CPAMD8: variants seen among roughly 807,000 people sequenced by gnomAD.
CPAMD8 encodes C3 and PZP-like alpha-2-macroglobulin domain-containing protein 8.
CPAMD8 carries 146 observed loss-of-function variants against 224.7 expected under a neutral mutation model. The observed-to-expected ratio is 0.65, with a 90% confidence interval of 0.57 to 0.75. CPAMD8 has a LOEUF of 0.75. CPAMD8 is among the 30% of genes least tolerant of loss of function. The pLI is 0.00. For synonymous variants in CPAMD8, 966 were observed against 1,044.6 expected, an observed-to-expected ratio of 0.92 and a Z score of 1.45; for missense variants, 2,301 against 2,537.5, an observed-to-expected ratio of 0.91 and a Z score of 2.00.
chr19:16,991,963 A>G (rs7256232), intron 12 of CPAMD8, among the ~76,000 whole-genome samples: 124,279 of 152,062 alleles, frequency 0.82, 50,989 homozygotes, highest in African/African-American at 0.85. Context: ...TGTGAATGTC[A>G]AGTGGCAAGG....
At chr19:16,920,218 G>T (rs1447819815) in intron 27 of CPAMD8, among the ~76,000 whole-genome samples, 1 of 152,188 alleles carries the variant, frequency 6.6e-6, no homozygotes, top group Non-Finnish European at 1.5e-5. Context: ...GGTGGCTCAC[G>T]CCTGTAATCC....
rs184535729 is a variant in CPAMD8, at chr19:16,969,884, A to C, written c.2213+1007T>G. Reference sequence around the variant, plus strand: ...GCCAGGCTCCATCTCAAAAAAAAAAAAAAAACAAAAACAACGAAAAACTTA... The same window carrying C: ...GCCAGGCTCCATCTCAAAAAAAAAACAAAAACAAAAACAACGAAAAACTTA... On this transcript the variant is annotated intron_variant, in intron 18 of 41. Transcript: ENST00000443236. Among the ~76,000 whole-genome samples, 11 of 150,502 alleles carry C rather than the reference A, an allele frequency of 7.3e-5. No homozygotes were observed. In the East Asian group the frequency reaches 7.8e-4, roughly 11 times the overall value.
chr19:17,002,818 G>A (rs1599885427), intron 8 of CPAMD8, among the ~76,000 whole-genome samples: 1 of 152,160 alleles, frequency 6.6e-6, no homozygotes, highest in African/African-American at 2.4e-5. Context: ...ACACCCTGGA[G>A]CAGCCGGTAA....
intron 14 of CPAMD8, among the ~76,000 whole-genome samples, chr19:16,977,754 C>A (rs905945384): frequency 6.6e-6 from 1 of 152,174 alleles, no homozygotes; most frequent in African/African-American, 2.4e-5. Context: ...ACCATGGGCT[C>A]CTACAGAGCA....
chr19:16,897,554 C>T (rs2052069760), intron 39 of CPAMD8, 137 bp downstream of exon 39: 2 of 587,618 alleles, frequency 3.4e-6, no homozygotes, highest in South Asian at 2.1e-5. Flanking sequence ...GCCCGCCCAC[C>T]TCTATGCTGC....
chr19:16,928,042 G>A lies in CPAMD8; in HGVS notation c.3337C>T (p.Pro1113Ser). The A allele has an allele frequency of 6.2e-7, 1 of 1,613,706 alleles. No homozygotes were observed. The highest frequency in any genetic ancestry group is 1.1e-5 in the South Asian group (1 of 91,074). Reference protein sequence around the residue: ...FTLGVPHGAIPGSERATASII... With the variant: ...FTLGVPHGAISGSERATASII... ...GAGGCGGTGGCTCGCTCAGACCCAG[G>A]GATGGCGCCGTGTGGGACCCCCAGG... Residue 1113 changes from proline to serine, a missense_variant, in exon 25 of 42, where the codon CCT (proline) becomes TCT (serine). Around this residue, in one of 4 missense-constraint regions of CPAMD8, gnomAD observed 1,709 missense variants for 1,753.2 expected, o/e 0.97. Transcript: ENST00000443236.
intron 19 of CPAMD8, among the ~76,000 whole-genome samples, chr19:16,953,134 A>G (rs1377067692): frequency 6.6e-6 from 1 of 152,204 alleles, no homozygotes; most frequent in Admixed American, 6.5e-5. Context: ...TCTTTTTAAC[A>G]AATACTGCTA....
chr19:16,984,332 GA>G (rs2055635466), intron 13 of CPAMD8, among the ~76,000 whole-genome samples: 1 of 104,986 alleles, frequency 9.5e-6, no homozygotes, highest in African/African-American at 4.7e-5. Flanking sequence ...AAAAAAAAAA[GA>G]GAGAGAGAGA....
chr19:16,999,819 A>G (rs910361057), intron 10 of CPAMD8, among the ~76,000 whole-genome samples: 1 of 151,994 alleles, frequency 6.6e-6, no homozygotes, highest in Non-Finnish European at 1.5e-5. Context: ...AGTGTTTATT[A>G]GTGTTTTTTT....
Position 16,929,100 on chromosome 19 carries a change from C to T in CPAMD8, c.2986G>A (p.Gly996Ser). 6.2e-7 allele frequency: 1 copy of T among 1,614,162 alleles called. No homozygotes were observed. Among genetic ancestry groups the T allele is most frequent in the Non-Finnish European group, 8.5e-7 (1 of 1,180,020 alleles). Residue 996 changes from glycine (G) to serine (S), a missense_variant, in exon 24 of 42, where the codon GGC becomes AGC. By Grantham distance (56) the Gly-to-Ser change is moderately conservative (BLOSUM62 0). Coordinates refer to ENST00000443236, the MANE Select transcript of CPAMD8 (RefSeq NM_015692.5). ...CCCCCCAGGACGATCTCGATCATGC[C>T]TGCTGTGTCCTGGGGCCCAGAAGAC... ...ALSSGPQDTA[G>S]MIEIVLGGHQ...
Position 16,904,522 on chromosome 19 carries a change from G to GA in CPAMD8, c.4057dup (p.Ser1353PhefsTer14), listed in dbSNP as rs2052393362. 1 of 1,614,040 alleles carries GA rather than the reference G, an allele frequency of 6.2e-7. No individual in the cohort carries two copies. Among genetic ancestry groups the GA allele is most frequent in the African/African-American group, 1.3e-5 (1 of 75,040 alleles). The stretch of plus-strand genomic sequence containing the variant: ...GAATGTGCCCTTGTCCACGTCCCAG[G>GA]AATTTGACAGGCTCCAGTGGGTGAC... On this transcript the variant is annotated frameshift_variant, in exon 31 of 42. Transcript: ENST00000443236. LOFTEE classifies it high-confidence loss of function.
intron 18 of CPAMD8, among the ~76,000 whole-genome samples, chr19:16,958,684 G>A (rs2054551166): frequency 6.6e-6 from 1 of 151,964 alleles, no homozygotes; most frequent in South Asian, 2.1e-4. Flanking sequence ...TTAGTTCTTT[G>A]AGCAATCACC....
Position 16,951,954 on chromosome 19 carries a change from T to C in CPAMD8, c.2508+15A>G, listed in dbSNP as rs1599769132. 1 of 1,481,988 alleles carries C rather than the reference T, an allele frequency of 6.7e-7. No individual in the cohort carries two copies. Among genetic ancestry groups the C allele is most frequent in the Non-Finnish European group, 9.2e-7 (1 of 1,082,548 alleles). The allele number at this position is 1,481,988 out of a possible 1,614,324, so 91.8% of individuals were successfully genotyped here. ...ACTGAATGGAGGAAGGCTATGTATT[T>C]GGGGGGCTGAGTACCTCAGCGCAGG... On this transcript the variant is annotated intron_variant, in intron 20 of 41. Transcript: ENST00000443236.
chr19:16,971,077 G>A (rs372354202), intron 17 of CPAMD8, 44 bp from the exon 18 acceptor site: 3 of 1,535,604 alleles, frequency 2.0e-6, no homozygotes, highest in Non-Finnish European at 1.8e-6. Context: ...GGAAGTGGAT[G>A]CTGACAGCCC....
chr19:16,976,121 G>A lies in CPAMD8; in HGVS notation c.1789C>T (p.Gln597Ter). 1 of 1,612,190 alleles carries A rather than the reference G, an allele frequency of 6.2e-7. No individual in the cohort carries two copies. The highest frequency in any genetic ancestry group is 1.3e-5 in the African/African-American group (1 of 74,980). The change falls in exon 16 of 42, where the codon CAA becomes TAA. Residue 597 changes from glutamine (Q) to a stop codon, truncating the protein, a stop_gained. Coordinates refer to ENST00000443236, the MANE Select transcript of CPAMD8 (RefSeq NM_015692.5). LOFTEE classifies it high-confidence loss of function. ...VSVTYSANET[Q>*]PGEVVDLRIR... is the part of the protein sequence containing the mutation. ...CGCAGGTCGACAACCTCCCCAGGTT[G>A]GGTCTCATTTGCTGAATACGTCACT...
chr19:16,996,514 G>A (rs983281959), intron 11 of CPAMD8, among the ~76,000 whole-genome samples: 9 of 152,006 alleles, frequency 5.9e-5, no homozygotes, highest in African/African-American at 2.2e-4. Flanking sequence ...AGGTCCTCAG[G>A]GGATAAAATC....
rs776032839 is a variant in CPAMD8 at position 16,893,024 on chromosome 19, T to C, written c.*84A>G. Reference sequence around the variant, plus strand: ...CATTTACCAGAGTTTTCTGAGATGTTAACCACAGGCACAAGCTGGGTGTGT... The same window carrying C: ...CATTTACCAGAGTTTTCTGAGATGTCAACCACAGGCACAAGCTGGGTGTGT... On this transcript the variant is annotated 3_prime_UTR_variant, in exon 42 of 42. Transcript: ENST00000443236. The C allele has an allele frequency of 1.3e-6, 1 of 779,360 alleles. No individual in the cohort carries two copies. 48.3% of individuals were successfully genotyped at this position (779,360 alleles called of 1,614,324 possible).
At position 16,980,765 on chromosome 19, in the gene CPAMD8, G is replaced by A; in HGVS notation, c.1396-79C>T. 2.5e-6 allele frequency: 3 copies of A among 1,200,438 alleles called. No individual in the cohort carries two copies. In the Admixed American group the frequency reaches 7.7e-5, roughly 31 times the overall value. The allele number at this position is 1,200,438 out of a possible 1,614,324, so 74.4% of individuals were successfully genotyped here. A position where few individuals can be genotyped will look rare whatever the true frequency, so the allele number is the denominator to read the frequency against. On this transcript the variant is annotated intron_variant, in intron 13 of 41. Coordinates refer to ENST00000443236, the MANE Select transcript of CPAMD8 (RefSeq NM_015692.5). ...ACCACAGGAAGACGGCCATTCTGGGGCCAGAGGGAGGTTGGGATGGCTGAG... is the reference window on the plus strand; with the variant it reads ...ACCACAGGAAGACGGCCATTCTGGGACCAGAGGGAGGTTGGGATGGCTGAG...
chr19:17,023,738 C>T (rs535024867), intron 1 of CPAMD8, among the ~76,000 whole-genome samples: 2 of 152,128 alleles, frequency 1.3e-5, no homozygotes, highest in South Asian at 4.1e-4. Context: ...TGCACCACCA[C>T]ACCCAGCTAA....
Sources: allele counts gnomAD v4.1 joint callset (sites outside exome capture counted in the v4.1 genomes callset), GRCh38; gene constraint gnomAD v4.1.1; regional missense constraint gnomAD v4.1.1; transcripts MANE v1.5; gene names NCBI Gene and HGNC (gene_info 2026-07-23, HGNC 2026-07-21).